MECOM: variants seen among roughly 807,000 people sequenced by gnomAD.
The protein encoded by MECOM is histone-lysine N-methyltransferase MECOM.
In MECOM, 13 loss-of-function variants were observed where a neutral mutation model predicts 116.3. The observed-to-expected ratio is 0.11, with a 90% CI of 0.07 to 0.18. The LOEUF (loss-of-function observed/expected upper bound fraction) is 0.18, where lower values mean the gene tolerates loss of function less well. Among genes scored for constraint, MECOM ranks in the 10% least tolerant of loss-of-function variants. MECOM has a pLI of 1.00. For missense variants in MECOM, 1,299 were observed against 1,509.0 expected (o/e 0.86, Z 2.31); for synonymous variants, 528 against 535.2 (o/e 0.99, Z 0.19).
intron 2 of MECOM, among the ~76,000 whole-genome samples, chr3:169,378,465 GCA>G (rs1560197052): frequency 0.017 from 1,081 of 62,134 alleles, 143 homozygotes; most frequent in African/African-American, 0.061. Context: ...AAGCAAGCAA[GCA>G]AGCAAGCAAG....
At chr3:169,628,519 G>T (rs917590713) in intron 1 of MECOM, among the ~76,000 whole-genome samples, 14 of 152,190 alleles carry the variant, frequency 9.2e-5, no homozygotes, top group Non-Finnish European at 1.9e-4. Flanking sequence ...CTTGGCTGAG[G>T]ATTCAAGGAT....
intron 2 of MECOM, among the ~76,000 whole-genome samples, chr3:169,200,620 G>A (rs187953230): frequency 2.0e-5 from 3 of 152,212 alleles, no homozygotes; most frequent in African/African-American, 7.2e-5. Flanking sequence ...TTAGTTTGGA[G>A]TCTAGGCAAA....
At chr3:169,225,129 T>C (rs533512224) in intron 2 of MECOM, among the ~76,000 whole-genome samples, 44 of 152,318 alleles carry the variant, frequency 2.9e-4, no homozygotes, top group African/African-American at 1.0e-3. Flanking sequence ...AAAATGAGTT[T>C]TATAGAGAAT....
intron 2 of MECOM, chr3:169,145,292 A>C (rs987540309): frequency 2.5e-6 from 1 of 403,382 alleles, no homozygotes; most frequent in Non-Finnish European, 4.4e-6. Context: ...AAATTCTAAA[A>C]ATTTGTTATC....
intron 2 of MECOM, among the ~76,000 whole-genome samples, chr3:169,181,937 G>C (rs7627625): frequency 0.074 from 11,252 of 152,158 alleles, 648 homozygotes; most frequent in East Asian, 0.3. Flanking sequence ...GTTATTATGA[G>C]AATTAAATGA....
chr3:169,403,086 T>C (rs1736142987), intron 1 of MECOM, among the ~76,000 whole-genome samples: 1 of 152,222 alleles, frequency 6.6e-6, no homozygotes, highest in Non-Finnish European at 1.5e-5. Context: ...TCAGTGCATA[T>C]GCAGGAAATC....
At chr3:169,087,007 G>T (rs1717993745) in intron 16 of MECOM, among the ~76,000 whole-genome samples, 1 of 152,222 alleles carries the variant, frequency 6.6e-6, no homozygotes, top group South Asian at 2.1e-4. Context: ...AAGTGAATTT[G>T]CAAAAGGGCC....
chr3:169,447,561 C>G (rs755667531), intron 1 of MECOM, among the ~76,000 whole-genome samples: 6 of 152,120 alleles, frequency 3.9e-5, no homozygotes, highest in African/African-American at 1.4e-4. Context: ...TTCCAGGTAC[C>G]ATGTTAATTT....
chr3:169,097,527 C>T (rs982170734), intron 12 of MECOM, among the ~76,000 whole-genome samples: 6 of 151,956 alleles, frequency 3.9e-5, no homozygotes, highest in Non-Finnish European at 5.9e-5. Context: ...AAAATAAAAA[C>T]GCTGAAGTGA....
At chr3:169,154,759 A>T (rs1209528696) in intron 2 of MECOM, among the ~76,000 whole-genome samples, 2 of 152,178 alleles carry the variant, frequency 1.3e-5, no homozygotes, top group African/African-American at 4.8e-5. Flanking sequence ...GAAAATAGCT[A>T]TTATTATTGG....
At chr3:169,416,714 C>G (rs916748915) in intron 1 of MECOM, among the ~76,000 whole-genome samples, 3 of 152,022 alleles carry the variant, frequency 2.0e-5, no homozygotes, top group African/African-American at 7.2e-5. Flanking sequence ...CCACTGACCC[C>G]ATAGAAATAC....
intron 2 of MECOM, among the ~76,000 whole-genome samples, chr3:169,337,564 G>A (rs1331002595): frequency 6.6e-6 from 1 of 152,192 alleles, no homozygotes; most frequent in African/African-American, 2.4e-5. Context: ...GCCTGGGAAT[G>A]AGTTTCCAGT....
intron 1 of MECOM, chr3:169,472,967 T>C (rs1034411770): frequency 4.1e-6 from 4 of 983,960 alleles, no homozygotes; most frequent in Admixed American, 6.1e-5. Flanking sequence ...CTGGTAGTTA[T>C]CAATATGTAG....
chr3:169,237,447 C>T (rs1390974442), intron 2 of MECOM, among the ~76,000 whole-genome samples: 1 of 151,782 alleles, frequency 6.6e-6, no homozygotes, highest in African/African-American at 2.4e-5. Flanking sequence ...GCTAACTGAC[C>T]ACCCTTAGTC....
At position 169,126,921 on chromosome 3, in the gene MECOM, A is replaced by G. The variant is rs552132277; in HGVS notation, c.830+923T>C. On this transcript the variant is annotated intron_variant, in intron 5 of 16. Coordinates refer to ENST00000651503, the MANE Select transcript of MECOM (RefSeq NM_004991.4). ...GTAATTCCCATTCTTGAGTAAGGCC[A>G]TTTGATATACTACCATTCCCATTTA... Among the ~76,000 whole-genome samples the G allele has an allele frequency of 5.9e-5, 9 of 152,266 alleles. 1 individual carries two copies. In the South Asian group the frequency reaches 1.9e-3, roughly 32 times the overall value.
rs577111837 is a variant in MECOM, at chr3:169,275,903, C to T, written c.375+105284G>A. 2.0e-5 allele frequency among the ~76,000 whole-genome samples: 3 copies of T among 152,172 alleles called. No individual in the cohort carries two copies. The South Asian group carries it at 6.2e-4, about 32-fold the overall frequency. On this transcript the variant is annotated intron_variant, in intron 2 of 16. Coordinates refer to ENST00000651503, the MANE Select transcript of MECOM (RefSeq NM_004991.4). ...CCATGCTGAATTGAATTCTTACTAA[C>T]ACAACATGTATTCTTTTTTTTAACG...
intron 13 of MECOM, among the ~76,000 whole-genome samples, chr3:169,093,316 C>A (rs531346783): frequency 6.6e-6 from 1 of 152,160 alleles, no homozygotes; most frequent in Non-Finnish European, 1.5e-5. Context: ...CCACTGAAAT[C>A]ATGAAGTACA....
intron 2 of MECOM, among the ~76,000 whole-genome samples, chr3:169,176,473 G>A (rs1019731698): frequency 3.3e-5 from 5 of 151,988 alleles, no homozygotes; most frequent in African/African-American, 1.2e-4. Context: ...AACTCAAGAT[G>A]GATTAGAGAC....
chr3:169,370,820 C>CA (rs1230364964), intron 2 of MECOM, among the ~76,000 whole-genome samples: 3 of 151,696 alleles, frequency 2.0e-5, no homozygotes, highest in East Asian at 1.9e-4. Flanking sequence ...AAACGCAAAT[C>CA]AAAAAACCAC....
Sources: gnomAD v4.1 joint callset for allele counts (sites outside exome capture counted in the v4.1 genomes callset) on GRCh38, gnomAD v4.1.1 for gene constraint, MANE v1.5 for transcripts, NCBI Gene and HGNC (gene_info 2026-07-23, HGNC 2026-07-21) for gene names.